OSBP2: variants seen among roughly 807,000 people sequenced by gnomAD.
The protein encoded by OSBP2 is oxysterol binding protein 2.
Under a neutral mutation model 96.0 loss-of-function variants are expected in OSBP2, and 66 were observed. The ratio of observed to expected loss-of-function variants is 0.69; its 90% CI spans 0.56 to 0.84. The LOEUF is 0.84. OSBP2 is among the 40% of genes least tolerant of loss of function. The probability of loss-of-function intolerance (pLI) is 0.00; values close to 1 mark genes in which losing one functional copy is unlikely to be tolerated. For missense variants in OSBP2, 1,038 were observed against 1,222.7 expected (o/e 0.85, Z 2.25); for synonymous variants, 525 against 520.9 (o/e 1.01, Z -0.11).
intron 1 of OSBP2, among the ~76,000 whole-genome samples, chr22:30,736,716 TATA>T (rs2089861376): frequency 6.6e-6 from 1 of 152,242 alleles, no homozygotes. Flanking sequence ...CTAACATCAT[TATA>T]ATACTATTAA....
intron 2 of OSBP2, among the ~76,000 whole-genome samples, chr22:30,808,731 G>A (rs548730912): frequency 7.2e-5 from 11 of 152,080 alleles, no homozygotes; most frequent in East Asian, 1.9e-4. Flanking sequence ...GAGGCGGGCC[G>A]ATCACGAGGT....
At chr22:30,702,918 G>A (rs1018604462) in intron 1 of OSBP2, among the ~76,000 whole-genome samples, 1 of 152,214 alleles carries the variant, frequency 6.6e-6, no homozygotes, top group African/African-American at 2.4e-5. Context: ...AGATGAGTGA[G>A]TAAATGAATT....
intron 2 of OSBP2, among the ~76,000 whole-genome samples, chr22:30,747,008 TCAA>T (rs2090011003): frequency 6.6e-6 from 1 of 152,180 alleles, no homozygotes; most frequent in South Asian, 2.1e-4. Flanking sequence ...GAAGGGTAGT[TCAA>T]CAACAACCAA....
At chr22:30,704,468 C>T (rs1485067535) in intron 1 of OSBP2, among the ~76,000 whole-genome samples, 2 of 151,960 alleles carry the variant, frequency 1.3e-5, no homozygotes, top group East Asian at 3.9e-4. Flanking sequence ...CATGTGGGCA[C>T]CTTCTGTTTG....
chr22:30,904,376 G>A (rs1189586693), intron 12 of OSBP2, among the ~76,000 whole-genome samples: 1 of 152,210 alleles, frequency 6.6e-6, no homozygotes, highest in Non-Finnish European at 1.5e-5. Context: ...ATTATGTGGT[G>A]TAATCAAACC....
chr22:30,861,937 T>A (rs2040802), intron 2 of OSBP2, among the ~76,000 whole-genome samples: 3 of 151,896 alleles, frequency 2.0e-5, no homozygotes, highest in Non-Finnish European at 4.4e-5. Flanking sequence ...GAGCGGCATC[T>A]TCCTCCCGTG....
At chr22:30,834,615 A>G (rs1160144464) in intron 2 of OSBP2, among the ~76,000 whole-genome samples, 1 of 152,196 alleles carries the variant, frequency 6.6e-6, no homozygotes, top group African/African-American at 2.4e-5. Flanking sequence ...AATGTTGAAC[A>G]TCTTTTCATG....
chr22:30,704,350 G>A (rs1407989067), intron 1 of OSBP2, among the ~76,000 whole-genome samples: 1 of 152,110 alleles, frequency 6.6e-6, no homozygotes, highest in Non-Finnish European at 1.5e-5. Flanking sequence ...AGTCACACAA[G>A]ATGCGCTTAA....
chr22:30,737,793 A>T (rs1324960822), intron 1 of OSBP2, among the ~76,000 whole-genome samples: 1 of 150,950 alleles, frequency 6.6e-6, no homozygotes, highest in African/African-American at 2.4e-5. Flanking sequence ...GCTCACCACA[A>T]CCTCTGCCTC....
intron 2 of OSBP2, among the ~76,000 whole-genome samples, chr22:30,868,864 G>A (rs1326458600): frequency 2.0e-5 from 3 of 152,222 alleles, no homozygotes; most frequent in African/African-American, 4.8e-5. Context: ...CTTGCCTGCC[G>A]TGGGAAGAAA....
intron 2 of OSBP2, among the ~76,000 whole-genome samples, chr22:30,745,526 A>T (rs2089988414): frequency 6.6e-6 from 1 of 151,934 alleles, no homozygotes; most frequent in Non-Finnish European, 1.5e-5. Flanking sequence ...AATTAGCCAG[A>T]TGTGGTAGCA....
At chr22:30,698,854 C>T (rs958024941) in intron 1 of OSBP2, among the ~76,000 whole-genome samples, 17 of 152,286 alleles carry the variant, frequency 1.1e-4, no homozygotes, top group African/African-American at 3.9e-4. Context: ...GCCACTATTC[C>T]TAATCCTGGT....
intron 3 of OSBP2, among the ~76,000 whole-genome samples, chr22:30,879,573 G>C (rs1017767188): frequency 1.3e-5 from 2 of 152,196 alleles, no homozygotes; most frequent in African/African-American, 4.8e-5. Flanking sequence ...TCGGGGGTCA[G>C]GCAGGTGATG....
rs377502781 is a variant in OSBP2 at position 30,870,472 on chromosome 22, G to C, written c.897G>C (p.Lys299Asn). Residue 299 changes from lysine to asparagine, a missense_variant, in exon 3 of 14, where the codon AAG becomes AAC. Transcript: ENST00000332585. This position sits in a 1 kb window ranked among gnomAD's most constrained non-coding sequence, Gnocchi z 4.1. ...DDDEATTPADKSELHHTLKNL... is the reference protein window; with the variant it reads ...DDDEATTPADNSELHHTLKNL... ...ACGAGGCTACCACCCCAGCCGACAA[G>C]AGCGAGCTGCACCACACCCTGAAGA... 168 of 1,614,076 alleles carry C rather than the reference G, an allele frequency of 1.0e-4. 4 individuals are homozygous for C. In the South Asian group the frequency reaches 1.3e-3, roughly 12 times the overall value.
intron 12 of OSBP2, among the ~76,000 whole-genome samples, chr22:30,901,082 T>A (rs1383817791): frequency 6.6e-6 from 1 of 152,244 alleles, no homozygotes; most frequent in Non-Finnish European, 1.5e-5. Context: ...AAAGAACTTT[T>A]TTTTGAGATG....
intron 2 of OSBP2, among the ~76,000 whole-genome samples, chr22:30,839,860 G>A (rs2038712010): frequency 6.6e-6 from 1 of 151,994 alleles, no homozygotes; most frequent in East Asian, 1.9e-4. Flanking sequence ...GATCCCATTT[G>A]TCAATTTTGG....
At chr22:30,755,080 C>A (rs116106926) in intron 2 of OSBP2, among the ~76,000 whole-genome samples, 1 of 152,318 alleles carries the variant, frequency 6.6e-6, no homozygotes, top group South Asian at 2.1e-4. Context: ...GCATCTCCAA[C>A]GCCCTAGCCA....
chr22:30,811,989 A>G (rs1423354831), intron 2 of OSBP2, among the ~76,000 whole-genome samples: 2 of 150,176 alleles, frequency 1.3e-5, no homozygotes, highest in Non-Finnish European at 3.0e-5. Context: ...CGAAGTACCT[A>G]GAACTACAGG....
At chr22:30,732,670 C>T (rs1169563444) in intron 1 of OSBP2, among the ~76,000 whole-genome samples, 1 of 152,196 alleles carries the variant, frequency 6.6e-6, no homozygotes, top group Non-Finnish European at 1.5e-5. Flanking sequence ...GGCAACCATG[C>T]GTGATGGTGA....
Sources: allele counts gnomAD v4.1 joint callset (sites outside exome capture counted in the v4.1 genomes callset), GRCh38; gene constraint gnomAD v4.1.1; non-coding constraint Gnocchi (gnomAD v3.1); transcripts MANE v1.5; gene names NCBI Gene and HGNC (gene_info 2026-07-23, HGNC 2026-07-21).